Variants in B3GALT1 observed in about 807,000 individuals in gnomAD.
B3GALT1 encodes UDP-Gal:betaGlcNAc beta 1,3-galactosyltransferase, polypeptide 1.
In B3GALT1, 10 loss-of-function variants were observed where a neutral mutation model predicts 23.2. The ratio of observed to expected loss-of-function variants is 0.43; its 90% confidence interval spans 0.27 to 0.73. The LOEUF is 0.73. Ranked by LOEUF, B3GALT1 falls within the 30% of genes least tolerant of loss-of-function variation. B3GALT1 has a pLI of 0.21. For synonymous variants in B3GALT1, 156 were observed against 141.5 expected (o/e 1.10, Z -0.73); for missense variants, 299 against 405.4 (o/e 0.74, Z 2.25).
At position 167,590,122 on chromosome 2, in the gene B3GALT1, G is replaced by A. The variant is rs185902643; in HGVS notation, c.-409-56787G>A. Among the ~76,000 whole-genome samples, 948 of 152,122 alleles carry A rather than the reference G, an allele frequency of 6.2e-3. 10 individuals carry two copies. The highest frequency in any genetic ancestry group is 0.022 in the African/African-American group (915 of 41,490). On this transcript the variant is annotated intron_variant, in intron 2 of 4. Coordinates refer to ENST00000392690, the MANE Select transcript of B3GALT1 (RefSeq NM_020981.4). Reference sequence around the variant, plus strand: ...AGCATTTTGGGAGGCCGAGGCGGGCGGATCACGAGGTCAGGAGATCGAGAC... The same window carrying A: ...AGCATTTTGGGAGGCCGAGGCGGGCAGATCACGAGGTCAGGAGATCGAGAC...
chr2:167,841,790 C>A (rs968080933), intron 4 of B3GALT1, among the ~76,000 whole-genome samples: 2 of 152,126 alleles, frequency 1.3e-5, no homozygotes, highest in Non-Finnish European at 2.9e-5. Context: ...TATAGCTTTT[C>A]AGATTCTATA....
At chr2:167,406,300 G>GTAT (rs1698274534) in intron 1 of B3GALT1, among the ~76,000 whole-genome samples, 1 of 152,056 alleles carries the variant, frequency 6.6e-6, no homozygotes, top group African/African-American at 2.4e-5. Context: ...CAAAATGGCA[G>GTAT]TATAGAAGCA....
chr2:167,803,467 G>C (rs1040746710), intron 3 of B3GALT1, among the ~76,000 whole-genome samples: 1 of 152,094 alleles, frequency 6.6e-6, no homozygotes, highest in Non-Finnish European at 1.5e-5. Context: ...GTTTTCTGTC[G>C]TCCCTGAGAT....
At chr2:167,673,621 A>G (rs1049631387) in intron 3 of B3GALT1, among the ~76,000 whole-genome samples, 1 of 152,000 alleles carries the variant, frequency 6.6e-6, no homozygotes, top group South Asian at 2.1e-4. Context: ...TTATAAATAT[A>G]TATTTATAAA....
At chr2:167,721,287 A>G (rs964534416) in intron 3 of B3GALT1, among the ~76,000 whole-genome samples, 3 of 152,240 alleles carry the variant, frequency 2.0e-5, no homozygotes, top group Non-Finnish European at 4.4e-5. Context: ...AGAATTTAGC[A>G]GGTTTATATG....
rs368351751 is a variant in B3GALT1 at position 167,605,440 on chromosome 2, G to A, written c.-409-41469G>A. 9.8e-4 allele frequency among the ~76,000 whole-genome samples: 148 copies of A among 151,240 alleles called. 4 individuals carry two copies. The South Asian group carries it at 0.027, about 27-fold the overall frequency. On this transcript the variant is annotated intron_variant, in intron 2 of 4. Transcript: ENST00000392690. Reference sequence around the variant, plus strand: ...GGAGTGCCCATGGTGGCTGACCCACGTGGTTGGTGGTTGGTACCGATTGTC... The same window carrying A: ...GGAGTGCCCATGGTGGCTGACCCACATGGTTGGTGGTTGGTACCGATTGTC...
At chr2:167,315,953 A>G (rs1329090344) in intron 1 of B3GALT1, among the ~76,000 whole-genome samples, 1 of 152,226 alleles carries the variant, frequency 6.6e-6, no homozygotes, top group Non-Finnish European at 1.5e-5. Flanking sequence ...TTCAACACTC[A>G]GTCTTTTACA....
At chr2:167,662,299 T>C (rs1472686859) in intron 3 of B3GALT1, among the ~76,000 whole-genome samples, 1 of 152,152 alleles carries the variant, frequency 6.6e-6, no homozygotes, top group Admixed American at 6.5e-5. Flanking sequence ...AGTTAAGCCA[T>C]GATTGATTGT....
intron 3 of B3GALT1, among the ~76,000 whole-genome samples, chr2:167,672,476 C>T (rs1230275371): frequency 6.6e-6 from 1 of 152,062 alleles, no homozygotes; most frequent in Non-Finnish European, 1.5e-5. Flanking sequence ...CATGACTCAA[C>T]ATGAGACTCA....
At chr2:167,504,908 A>G (rs1443663171) in intron 2 of B3GALT1, among the ~76,000 whole-genome samples, 1 of 152,206 alleles carries the variant, frequency 6.6e-6, no homozygotes, top group Non-Finnish European at 1.5e-5. Context: ...TTGCTCAGTG[A>G]CAAGATCACC....
At chr2:167,453,151 G>A (rs941581727) in intron 1 of B3GALT1, among the ~76,000 whole-genome samples, 1 of 152,122 alleles carries the variant, frequency 6.6e-6, no homozygotes, top group Non-Finnish European at 1.5e-5. Context: ...CACAAGAGAA[G>A]GAGTCAGATA....
At chr2:167,716,064 A>T in intron 3 of B3GALT1, 1 of 1,582,508 alleles carries the variant, frequency 6.3e-7, no homozygotes, top group Non-Finnish European at 8.7e-7. Context: ...GGGCTCCTCC[A>T]TAGCGCCAAG....
intron 4 of B3GALT1, among the ~76,000 whole-genome samples, chr2:167,864,093 T>C (rs562542350): frequency 2.4e-3 from 361 of 151,666 alleles, no homozygotes; most frequent in Middle Eastern, 0.017. Context: ...AGTTTCAGCT[T>C]CCCCACCCTG....
intron 2 of B3GALT1, among the ~76,000 whole-genome samples, chr2:167,612,225 T>C (rs941961061): frequency 1.3e-5 from 2 of 151,970 alleles, no homozygotes; most frequent in Non-Finnish European, 2.9e-5. Context: ...TAACACTAGA[T>C]GGTTAATTCA....
At chr2:167,825,488 T>TTA (rs199789772) in intron 4 of B3GALT1, among the ~76,000 whole-genome samples, 3,539 of 146,178 alleles carry the variant, frequency 0.024, 157 homozygotes, top group African/African-American at 0.082. Context: ...TATATATAAA[T>TTA]TATATATATA....
chr2:167,678,189 T>A (rs565385829), intron 3 of B3GALT1, among the ~76,000 whole-genome samples: 1 of 152,300 alleles, frequency 6.6e-6, no homozygotes, highest in South Asian at 2.1e-4. Context: ...TATCTTTGTG[T>A]CCCCATTCCA....
At chr2:167,580,129 C>G (rs1163232554) in intron 2 of B3GALT1, among the ~76,000 whole-genome samples, 2 of 152,070 alleles carry the variant, frequency 1.3e-5, no homozygotes, top group Non-Finnish European at 2.9e-5. Flanking sequence ...CAAGATAAGT[C>G]CTGTGGTAAG....
chr2:167,708,363 C>T (rs1044388299), intron 3 of B3GALT1, among the ~76,000 whole-genome samples: 1 of 152,172 alleles, frequency 6.6e-6, no homozygotes, highest in Non-Finnish European at 1.5e-5. Flanking sequence ...GAGCAAAACA[C>T]AAGAAAATGG....
chr2:167,597,875 C>T (rs1348465328), intron 2 of B3GALT1, among the ~76,000 whole-genome samples: 1 of 152,086 alleles, frequency 6.6e-6, no homozygotes, highest in Non-Finnish European at 1.5e-5. Context: ...CAACTTAAAT[C>T]GCATCAGATT....
Sources: allele counts gnomAD v4.1 joint callset (sites outside exome capture counted in the v4.1 genomes callset), GRCh38; gene constraint gnomAD v4.1.1; transcripts MANE v1.5; gene names NCBI Gene and HGNC (gene_info 2026-07-23, HGNC 2026-07-21).